RPGRIP1: variants seen among roughly 807,000 people sequenced by gnomAD.
RPGRIP1 encodes the protein X-linked retinitis pigmentosa GTPase regulator-interacting protein 1.
A neutral mutation model predicts 157.9 loss-of-function variants in RPGRIP1; 128 were observed. The ratio of observed to expected loss-of-function variants is 0.81; its 90% CI spans 0.70 to 0.94. RPGRIP1 has a LOEUF of 0.94. RPGRIP1 is among the 40% of genes least tolerant of loss of function. The probability of loss-of-function intolerance (pLI) is 0.00; values close to 1 mark genes in which losing one functional copy is unlikely to be tolerated. For missense variants in RPGRIP1, 1,486 were observed against 1,545.8 expected (o/e 0.96, Z 0.65); for synonymous variants, 554 against 571.6 (o/e 0.97, Z 0.44).
chr14:21,313,139 A>C (rs1025998178), intron 10 of RPGRIP1, among the ~76,000 whole-genome samples: 2 of 145,698 alleles, frequency 1.4e-5, no homozygotes, highest in African/African-American at 4.9e-5. Context: ...TCTGGCCCCC[A>C]AATTTTTTGG....
chr14:21,324,967 C>G lies in RPGRIP1; in HGVS notation c.2112C>G (p.His704Gln). ...LQEASARLDI[H>Q]QAMASEHSTL... is the part of the protein sequence containing the mutation. ...AGGCTTCAGCCCGGCTTGACATACA[C>G]CAGGCCATGGCCAGTGAACACAGCA... is the stretch of plus-strand genomic sequence containing the variant. The change falls in exon 15 of 25, where the codon CAC (histidine) becomes CAG (glutamine). Residue 704 changes from histidine (H) to glutamine (Q), a missense_variant. Transcript: ENST00000400017. The G allele has an allele frequency of 6.2e-7, 1 of 1,614,018 alleles. No individual in the cohort carries two copies. The highest frequency in any genetic ancestry group is 1.1e-5 in the South Asian group (1 of 91,084).
At chr14:21,317,146 AG>A (rs1881862439) in intron 10 of RPGRIP1, among the ~76,000 whole-genome samples, 1 of 152,086 alleles carries the variant, frequency 6.6e-6, no homozygotes, top group Non-Finnish European at 1.5e-5. Context: ...AGAAAAAAAA[AG>A]GAACCAGCCA....
intron 3 of RPGRIP1, among the ~76,000 whole-genome samples, chr14:21,297,316 A>T (rs1880828772): frequency 6.6e-6 from 1 of 152,092 alleles, no homozygotes; most frequent in Admixed American, 6.6e-5. Context: ...GCTGGTCTCG[A>T]ACTCCTTTCC....
chr14:21,337,857 G>C (rs958472925), intron 21 of RPGRIP1, among the ~76,000 whole-genome samples: 5 of 149,752 alleles, frequency 3.3e-5, no homozygotes, highest in Non-Finnish European at 5.9e-5. Context: ...CCGGGTTCAA[G>C]CGACTCTCCT....
chr14:21,332,736 T>G (rs1008908805), intron 20 of RPGRIP1, among the ~76,000 whole-genome samples: 4 of 152,172 alleles, frequency 2.6e-5, no homozygotes, highest in African/African-American at 9.7e-5. Flanking sequence ...TAGTCATAAA[T>G]AATAAAAGAA....
At chr14:21,342,003 T>G (rs969998320) in intron 21 of RPGRIP1, among the ~76,000 whole-genome samples, 4 of 149,866 alleles carry the variant, frequency 2.7e-5, no homozygotes, top group Non-Finnish European at 4.4e-5. Flanking sequence ...TGAGCCGAGA[T>G]CGTGCCACTG....
chr14:21,316,082 A>G (rs575569107), intron 10 of RPGRIP1, among the ~76,000 whole-genome samples: 14 of 147,836 alleles, frequency 9.5e-5, no homozygotes, highest in Admixed American at 6.9e-4. Context: ...TGTTTAAGCT[A>G]TTCTTCTGCC....
At chr14:21,342,405 A>G (rs1383243960) in intron 21 of RPGRIP1, among the ~76,000 whole-genome samples, 3 of 151,840 alleles carry the variant, frequency 2.0e-5, no homozygotes, top group Non-Finnish European at 2.9e-5. Flanking sequence ...AATTGTCCCT[A>G]TGTGGTGGTG....
intron 2 of RPGRIP1, among the ~76,000 whole-genome samples, chr14:21,288,459 G>T (rs1365231580): frequency 2.0e-5 from 3 of 150,848 alleles, no homozygotes; most frequent in Non-Finnish European, 4.4e-5. Flanking sequence ...GGTATTACAG[G>T]TGTGAGCCAC....
intron 1 of RPGRIP1, among the ~76,000 whole-genome samples, chr14:21,280,692 A>G (rs1429995592): frequency 1.3e-5 from 2 of 152,110 alleles, no homozygotes; most frequent in Non-Finnish European, 2.9e-5. Flanking sequence ...CAGTGTCTTC[A>G]TGATCCATCC....
At chr14:21,316,432 C>A (rs1881814173) in intron 10 of RPGRIP1, among the ~76,000 whole-genome samples, 1 of 151,850 alleles carries the variant, frequency 6.6e-6, no homozygotes, top group Non-Finnish European at 1.5e-5. Context: ...TTATTTATTT[C>A]TTGAGACGGA....
intron 11 of RPGRIP1, among the ~76,000 whole-genome samples, chr14:21,319,476 C>T (rs2139197464): frequency 6.6e-6 from 1 of 152,196 alleles, no homozygotes; most frequent in East Asian, 1.9e-4. Flanking sequence ...GCACAAGAAT[C>T]GTTGAACCCT....
intron 6 of RPGRIP1, among the ~76,000 whole-genome samples, chr14:21,307,246 G>A (rs1266865100): frequency 6.6e-6 from 1 of 152,064 alleles, no homozygotes; most frequent in Non-Finnish European, 1.5e-5. Flanking sequence ...TAAAGACAAG[G>A]TTTTGCCATG....
intron 17 of RPGRIP1, among the ~76,000 whole-genome samples, chr14:21,326,491 A>G (rs75313242): frequency 0.028 from 4,211 of 152,088 alleles, 133 homozygotes; most frequent in East Asian, 0.17. Context: ...CTTGTTGCCC[A>G]GGCTAGTAGC....
intron 15 of RPGRIP1, 33 bp from the exon 16 acceptor site, chr14:21,325,199 A>T: frequency 6.3e-7 from 1 of 1,578,980 alleles, no homozygotes; most frequent in Non-Finnish European, 8.6e-7. Flanking sequence ...CACCATCTGT[A>T]TTCCCCCTGC....
chr14:21,334,214 G>A (rs757335127), intron 20 of RPGRIP1, among the ~76,000 whole-genome samples: 1 of 151,994 alleles, frequency 6.6e-6, no homozygotes, highest in Non-Finnish European at 1.5e-5. Context: ...GAGCCACCAC[G>A]CCCAGCCAGA....
At chr14:21,307,367 T>G (rs1365457924) in intron 6 of RPGRIP1, among the ~76,000 whole-genome samples, 1 of 152,242 alleles carries the variant, frequency 6.6e-6, no homozygotes, top group Non-Finnish European at 1.5e-5. Flanking sequence ...AATCTTCTTT[T>G]TAAGTTTTCT....
chr14:21,329,717 G>A (rs1229404071), intron 19 of RPGRIP1, among the ~76,000 whole-genome samples: 1 of 151,208 alleles, frequency 6.6e-6, no homozygotes, highest in Non-Finnish European at 1.5e-5. Context: ...GATCAGGCTG[G>A]TCTCCTGACC....
At chr14:21,345,058 G>A in intron 22 of RPGRIP1, 55 bp from the exon 23 acceptor site, 1 of 1,133,824 alleles carries the variant, frequency 8.8e-7, no homozygotes, top group South Asian at 1.2e-5. Context: ...AAGTCTTGGG[G>A]CTCACACTGC....
Sources: gnomAD v4.1 joint callset for allele counts (sites outside exome capture counted in the v4.1 genomes callset) on GRCh38, gnomAD v4.1.1 for gene constraint, MANE v1.5 for transcripts, NCBI Gene and HGNC (gene_info 2026-07-23, HGNC 2026-07-21) for gene names.